Variants in TMTC4 observed in about 807,000 individuals in gnomAD.
TMTC4 encodes transmembrane O-mannosyltransferase targeting cadherins 4, also known as protein O-mannosyl-transferase TMTC4.
Under a neutral mutation model 86.0 loss-of-function variants are expected in TMTC4, and 65 were observed. The ratio of observed to expected loss-of-function variants is 0.76; its 90% CI spans 0.62 to 0.93. The LOEUF (loss-of-function observed/expected upper bound fraction) is 0.93, where lower values mean the gene tolerates loss of function less well. Among genes scored for constraint, TMTC4 ranks in the 40% least tolerant of loss-of-function variants. The probability of loss-of-function intolerance (pLI) is 0.00; values close to 1 mark genes in which losing one functional copy is unlikely to be tolerated. For missense variants in TMTC4, 866 were observed against 948.1 expected, an observed-to-expected ratio of 0.91 and a Z score of 1.14; for synonymous variants, 379 against 382.5, an observed-to-expected ratio of 0.99 and a Z score of 0.11.
intron 5 of TMTC4, among the ~76,000 whole-genome samples, chr13:100,659,507 A>C (rs1885510762): frequency 6.6e-6 from 1 of 152,028 alleles, no homozygotes; most frequent in Admixed American, 6.6e-5. Flanking sequence ...ATCTTCCCCA[A>C]CACTTTGAGG....
chr13:100,646,518 G>A (rs1166503423), intron 6 of TMTC4, among the ~76,000 whole-genome samples: 1 of 152,180 alleles, frequency 6.6e-6, no homozygotes, highest in Non-Finnish European at 1.5e-5. Flanking sequence ...CTTCACTGGT[G>A]GGGATTAATT....
At chr13:100,668,836 G>A in intron 2 of TMTC4, 42 bp from the exon 3 acceptor site, 1 of 1,596,626 alleles carries the variant, frequency 6.3e-7, no homozygotes. Context: ...ATCAACACTG[G>A]TAGGACCGTT....
intron 6 of TMTC4, among the ~76,000 whole-genome samples, chr13:100,643,652 A>G (rs193216400): frequency 6.6e-6 from 1 of 152,368 alleles, no homozygotes; most frequent in Admixed American, 6.5e-5. Context: ...CATAACCTTC[A>G]GTACTCTTTA....
chr13:100,614,775 G>T, intron 15 of TMTC4: 2 of 320,620 alleles, frequency 6.2e-6, no homozygotes, highest in Non-Finnish European at 9.0e-6. Flanking sequence ...GTGATTTTAG[G>T]AATCAAATCA....
At chr13:100,621,648 A>G (rs932587145) in intron 15 of TMTC4, among the ~76,000 whole-genome samples, 6 of 152,128 alleles carry the variant, frequency 3.9e-5, no homozygotes, top group Non-Finnish European at 7.4e-5. Context: ...GATGGTCTCG[A>G]TCTCCTGACC....
chr13:100,608,502 T>C (rs887219204), intron 17 of TMTC4, among the ~76,000 whole-genome samples: 3 of 151,796 alleles, frequency 2.0e-5, no homozygotes, highest in African/African-American at 7.3e-5. Context: ...GAGGAAGAGA[T>C]GGTTTGAGAG....
intron 6 of TMTC4, among the ~76,000 whole-genome samples, chr13:100,649,595 C>T (rs1884169082): frequency 6.6e-6 from 1 of 152,172 alleles, no homozygotes. Context: ...CAGAGTCTTA[C>T]TATATTACAT....
Position 100,663,087 on chromosome 13 carries a change from G to T in TMTC4, c.429C>A (p.Asp143Glu). 1 of 1,614,206 alleles carries T rather than the reference G, an allele frequency of 6.2e-7. No individual in the cohort carries two copies. Among genetic ancestry groups the T allele is most frequent in the Middle Eastern group, 1.6e-4 (1 of 6,062 alleles). The change falls in exon 5 of 19, where the codon GAC (aspartate) becomes GAA (glutamate). Residue 143 changes from aspartate to glutamate, a missense_variant. Transcript: ENST00000342624. ...GGCCGCCAAACAGAACCGAGAAGAC[G>T]TCCACCATGAGGACAGAGATGCCAC... ...LHSGISVLMV[D>E]VFSVLFGGLQ...
In TMTC4 at chr13:100,634,910, T is replaced by TC; in HGVS notation, c.1400dup (p.Ile468AsnfsTer19). 1 of 1,614,044 alleles carries TC rather than the reference T, an allele frequency of 6.2e-7. No homozygotes were observed. The highest frequency in any genetic ancestry group is 8.5e-7 in the Non-Finnish European group (1 of 1,180,006). On this transcript the variant is annotated frameshift_variant, in exon 12 of 19. Transcript: ENST00000342624. LOFTEE classifies it high-confidence loss of function. Reference sequence around the variant, plus strand: ...ATCTCAGCGTGTTGATGAATAAGATTCCCAGCACGACAGCGGCAATGAGTT... The same window carrying TC: ...ATCTCAGCGTGTTGATGAATAAGATTCCCCAGCACGACAGCGGCAATGAGTT...
At chr13:100,612,550 T>A in intron 16 of TMTC4, 40 bp from the exon 17 acceptor site, 1 of 1,472,440 alleles carries the variant, frequency 6.8e-7, no homozygotes, top group Non-Finnish European at 9.5e-7. Flanking sequence ...CATGTTAATG[T>A]TGTACTCGCA....
intron 6 of TMTC4, among the ~76,000 whole-genome samples, chr13:100,653,004 A>C (rs1001184137): frequency 2.6e-5 from 4 of 152,210 alleles, no homozygotes; most frequent in Non-Finnish European, 5.9e-5. Flanking sequence ...CAGAATCAGA[A>C]ACCCATGGCT....
intron 6 of TMTC4, among the ~76,000 whole-genome samples, chr13:100,648,052 A>G (rs1883974270): frequency 1.3e-5 from 2 of 152,216 alleles, no homozygotes; most frequent in African/African-American, 4.8e-5. Flanking sequence ...CCCAGCATGA[A>G]AAGATATGAA....
chr13:100,621,999 CT>C (rs766805665), intron 15 of TMTC4, among the ~76,000 whole-genome samples: 1 of 152,218 alleles, frequency 6.6e-6, no homozygotes, highest in Non-Finnish European at 1.5e-5. Context: ...CCCCTTCCCC[CT>C]GGGAACAAAC....
intron 12 of TMTC4, 71 bp downstream of exon 12, chr13:100,634,734 T>C: frequency 6.5e-7 from 1 of 1,543,838 alleles, no homozygotes; most frequent in Non-Finnish European, 8.7e-7. Context: ...CAGGAAATGT[T>C]CTTATTCAGC....
At chr13:100,642,953 C>T (rs1883221200) in intron 6 of TMTC4, among the ~76,000 whole-genome samples, 2 of 152,136 alleles carry the variant, frequency 1.3e-5, no homozygotes, top group Admixed American at 1.3e-4. Context: ...CATGGGGGCT[C>T]GAGCACCAAC....
At chr13:100,638,043 A>C (rs1233657704) in intron 7 of TMTC4, 21 bp from the exon 8 acceptor site, 1 of 1,604,936 alleles carries the variant, frequency 6.2e-7, no homozygotes, top group Non-Finnish European at 8.5e-7. Context: ...AAAGCAAGAC[A>C]ATCAGCCACG....
At chr13:100,671,599 C>A (rs868498616) in intron 1 of TMTC4, among the ~76,000 whole-genome samples, 1 of 152,276 alleles carries the variant, frequency 6.6e-6, no homozygotes, top group South Asian at 2.1e-4. Context: ...CTCAGTGGAT[C>A]TCAGATGATC....
At chr13:100,610,603 A>G (rs1877409845) in intron 17 of TMTC4, among the ~76,000 whole-genome samples, 1 of 152,140 alleles carries the variant, frequency 6.6e-6, no homozygotes, top group Admixed American at 6.5e-5. Flanking sequence ...AAATGTGTAG[A>G]GAAAGAGGAA....
chr13:100,640,103 G>A (rs1882819771), intron 7 of TMTC4, among the ~76,000 whole-genome samples: 1 of 152,076 alleles, frequency 6.6e-6, no homozygotes, highest in African/African-American at 2.4e-5. Context: ...TATTGCTGAT[G>A]CTCCTGGTCC....
Sources: allele counts gnomAD v4.1 joint callset (sites outside exome capture counted in the v4.1 genomes callset), GRCh38; gene constraint gnomAD v4.1.1; transcripts MANE v1.5; gene names NCBI Gene and HGNC (gene_info 2026-07-23, HGNC 2026-07-21).